The following GPR137 variants were observed in gnomAD, a reference collection of about 807,000 sequenced individuals.
GPR137 encodes G protein-coupled receptor 137, also known as integral membrane protein GPR137.
Under a neutral mutation model 38.9 loss-of-function variants are expected in GPR137, and 20 were observed. The observed-to-expected ratio is 0.51, with a 90% CI of 0.36 to 0.75. The LOEUF (loss-of-function observed/expected upper bound fraction) is 0.75, where lower values mean the gene tolerates loss of function less well. GPR137 is among the 30% of genes least tolerant of loss of function. The pLI, the probability that GPR137 is intolerant of heterozygous loss-of-function variation, is 0.00. For missense variants in GPR137, 456 were observed against 526.4 expected (o/e 0.87, Z 1.31); for synonymous variants, 226 against 235.8 (o/e 0.96, Z 0.38).
upstream of GPR137, chr11:64,284,098 G>A (rs2033669115): frequency 4.1e-6 from 6 of 1,464,878 alleles, no homozygotes; most frequent in Admixed American, 4.5e-5. Context: ...AAAGCATTCA[G>A]TGCCTGTGGA....
chr11:64,288,614 C>T lies in GPR137; in HGVS notation c.924C>T (p.His308=). Residue 308 remains histidine, a synonymous_variant, in exon 6 of 7, where the codon CAC becomes CAT. Coordinates refer to ENST00000438980, the MANE Select transcript of GPR137 (RefSeq NM_001170880.2). The surrounding 1 kb of genome is among the most constrained non-coding windows in gnomAD (Gnocchi z 5.5). Reference sequence around the variant, plus strand: ...GCTTCCTCCCCCAGAGCACCAGCCACATCCTCAATGGGCAGGTCTTTGCCT... The same window carrying T: ...GCTTCCTCCCCCAGAGCACCAGCCATATCCTCAATGGGCAGGTCTTTGCCT... ...HRPPQDLSTS[H]ILNGQVFASR... 1 of 1,613,428 alleles carries T rather than the reference C, an allele frequency of 6.2e-7. No homozygotes were observed.
Position 64,288,091 on chromosome 11 carries a change from G to A in GPR137, c.660G>A (p.Ala220=), listed in dbSNP as rs745531080. 2.2e-5 allele frequency: 35 copies of A among 1,611,608 alleles called. No homozygotes were observed. In the East Asian group the frequency reaches 4.7e-4, roughly 22 times the overall value. ...GGACCAGTGTGTGCCAGGCGGCCGC[G>A]ATGGGTGGCGCCATGGTCCTGCTCT... ...AKGTSVCQAA[A]MGGAMVLLYA... Residue 220 remains alanine, a synonymous_variant, in exon 4 of 7, where the codon GCG becomes GCA. Transcript: ENST00000438980. This position sits in a 1 kb window ranked among gnomAD's most constrained non-coding sequence, Gnocchi z 5.5.
chr11:64,284,519 G>A (rs1009076116), upstream of GPR137: 13 of 1,543,112 alleles, frequency 8.4e-6, no homozygotes, highest in African/African-American at 1.1e-4. Flanking sequence ...TCTGTCTGCC[G>A]GGTCTGGCCT....
At chr11:64,279,330 C>T (rs1332183535) in intron 2 of GPR137, among the ~76,000 whole-genome samples, 1 of 152,168 alleles carries the variant, frequency 6.6e-6, no homozygotes, top group African/African-American at 2.4e-5. Flanking sequence ...CAGCTTGGAC[C>T]CCACATCTAC....
At position 64,289,334 on chromosome 11, in the gene GPR137, C is replaced by T. The variant is rs1359626153; in HGVS notation, c.*138C>T. Reference sequence around the variant, plus strand: ...CTCCTCTGGCCGGCTCCTTGCTGCTCCTGTCATAGTGAGCTTGTGCCGTCC... The same window carrying T: ...CTCCTCTGGCCGGCTCCTTGCTGCTTCTGTCATAGTGAGCTTGTGCCGTCC... On this transcript the variant is annotated 3_prime_UTR_variant, in exon 7 of 7. Coordinates refer to ENST00000438980, the MANE Select transcript of GPR137 (RefSeq NM_001170880.2). The T allele has an allele frequency of 1.2e-6, 2 of 1,605,898 alleles. No individual in the cohort carries two copies. The highest frequency in any genetic ancestry group is 2.2e-5 in the South Asian group (2 of 89,746).
chr11:64,279,502 C>T (rs185198826), upstream of GPR137, among the ~76,000 whole-genome samples: 117 of 152,368 alleles, frequency 7.7e-4, no homozygotes, highest in South Asian at 4.1e-3. Context: ...CGCGGTGGCT[C>T]ATGCCTGTAA....
upstream of GPR137, chr11:64,271,782 C>T (rs1458157195): frequency 2.2e-6 from 3 of 1,356,134 alleles, no homozygotes; most frequent in South Asian, 4.0e-5. Context: ...GTGGCGACTC[C>T]GGATCTCCAC....
chr11:64,284,984 C>T, upstream of GPR137: 1 of 1,340,728 alleles, frequency 7.5e-7, no homozygotes, highest in South Asian at 1.6e-5. Flanking sequence ...CCCTCTGGGC[C>T]TTAGTTTCCC....
At chr11:64,270,739 G>A, upstream of GPR137, 3 of 476,712 alleles carry the variant, frequency 6.3e-6, no homozygotes, top group South Asian at 4.7e-5. Flanking sequence ...AGGCTGCAGT[G>A]AGCCGTGATC....
chr11:64,284,516 G>T, upstream of GPR137: 4 of 1,543,266 alleles, frequency 2.6e-6, no homozygotes, highest in South Asian at 4.7e-5. Context: ...TCATCTGTCT[G>T]CCGGGTCTGG....
upstream of GPR137, chr11:64,271,477 C>T (rs1393653159): frequency 6.7e-6 from 6 of 896,750 alleles, no homozygotes; most frequent in Non-Finnish European, 1.5e-6. Context: ...TGCTCTGGAG[C>T]TAGGAAGGAA....
chr11:64,278,714 A>C (rs1186811597), intron 2 of GPR137, among the ~76,000 whole-genome samples: 6 of 152,114 alleles, frequency 3.9e-5, no homozygotes, highest in Admixed American at 2.0e-4. Flanking sequence ...CCTGTTTCAG[A>C]CACTGGGCTG....
At chr11:64,281,271 G>GC (rs1278721001), upstream of GPR137, among the ~76,000 whole-genome samples, 1 of 151,942 alleles carries the variant, frequency 6.6e-6, no homozygotes, top group East Asian at 1.9e-4. Context: ...CAGCCTAATA[G>GC]TTTTTTTAAA....
At chr11:64,278,811 A>G (rs1454494722) in intron 2 of GPR137, among the ~76,000 whole-genome samples, 3 of 152,238 alleles carry the variant, frequency 2.0e-5, no homozygotes, top group Non-Finnish European at 4.4e-5. Flanking sequence ...GGCAGGGACT[A>G]TGAGGAGTGA....
upstream of GPR137, chr11:64,284,666 GC>G (rs1172041117): frequency 6.5e-7 from 1 of 1,534,880 alleles, no homozygotes; most frequent in Admixed American, 2.0e-5. Flanking sequence ...ACCCGGGCCT[GC>G]CGCCTCCCTC....
chr11:64,284,893 C>T (rs1019688224), upstream of GPR137: 26 of 1,444,364 alleles, frequency 1.8e-5, no homozygotes, highest in Non-Finnish European at 2.1e-5. Context: ...ACACCTTGGG[C>T]GTGTGTGGGA....
chr11:64,276,757 G>A (rs1399877777), intron 2 of GPR137: 10 of 592,380 alleles, frequency 1.7e-5, no homozygotes, highest in African/African-American at 1.7e-4. Context: ...GGGAAGGGAA[G>A]GGGTGTGGCT....
upstream of GPR137, chr11:64,285,158 C>T (rs536281049): frequency 4.0e-6 from 4 of 992,062 alleles, no homozygotes; most frequent in Admixed American, 1.8e-4. Context: ...ACTGGGTGCC[C>T]GGTCGGAAAG....
chr11:64,270,616 C>T, exon 1 of GPR137: 1 of 664,634 alleles, frequency 1.5e-6, no homozygotes, highest in East Asian at 3.0e-5. Context: ...ACCTAGCACC[C>T]AGAAGATGAG....
Sources: gnomAD v4.1 joint callset for allele counts (sites outside exome capture counted in the v4.1 genomes callset) on GRCh38, gnomAD v4.1.1 for gene constraint, Gnocchi (gnomAD v3.1) non-coding constraint, MANE v1.5 for transcripts, NCBI Gene and HGNC (gene_info 2026-07-23, HGNC 2026-07-21) for gene names.